The following BICD1 variants were observed in gnomAD, a reference collection of about 807,000 sequenced individuals.
BICD1 encodes protein bicaudal D homolog 1.
BICD1 carries 35 observed loss-of-function variants against 92.5 expected under a neutral mutation model. The ratio of observed to expected loss-of-function variants is 0.38; its 90% CI spans 0.29 to 0.50. The LOEUF (loss-of-function observed/expected upper bound fraction) is 0.50. Ranked by LOEUF, BICD1 falls within the 20% of genes least tolerant of loss-of-function variation. The probability of loss-of-function intolerance (pLI) is 0.93; values close to 1 mark genes in which losing one functional copy is unlikely to be tolerated. For synonymous variants in BICD1, 429 were observed against 465.1 expected, an observed-to-expected ratio of 0.92 and a Z score of 1.00; for missense variants, 950 against 1,189.8, an observed-to-expected ratio of 0.80 and a Z score of 2.97.
chr12:32,269,652 T>A (rs1947085645), intron 2 of BICD1, among the ~76,000 whole-genome samples: 1 of 152,188 alleles, frequency 6.6e-6, no homozygotes, highest in Admixed American at 6.5e-5. Flanking sequence ...GTTCTCTGGG[T>A]TATAACTTGC....
chr12:32,133,480 T>TC (rs1942628775), intron 1 of BICD1, among the ~76,000 whole-genome samples: 1 of 150,242 alleles, frequency 6.7e-6, no homozygotes. Flanking sequence ...AGAACAAGAC[T>TC]CCATCTGGGA....
At chr12:32,195,747 C>T (rs1484686742) in intron 1 of BICD1, among the ~76,000 whole-genome samples, 1 of 152,036 alleles carries the variant, frequency 6.6e-6, no homozygotes, top group African/African-American at 2.4e-5. Context: ...ACAACAAAAG[C>T]ACAGGCAACA....
At chr12:32,221,872 A>T (rs538088523) in intron 2 of BICD1, among the ~76,000 whole-genome samples, 2 of 152,272 alleles carry the variant, frequency 1.3e-5, no homozygotes, top group East Asian at 3.9e-4. Flanking sequence ...TGGTAAGAGC[A>T]TAAAGAAAGC....
chr12:32,217,804 G>A lies in BICD1; in HGVS notation c.426+1345G>A, dbSNP rs141701648. Among the ~76,000 whole-genome samples, 773 of 152,272 alleles carry A rather than the reference G, an allele frequency of 5.1e-3. 6 individuals carry two copies. The highest frequency in any genetic ancestry group is 8.3e-3 in the Non-Finnish European group (566 of 68,022). ...ACAATCCAGCATCCATTGCAGAAGT[G>A]GACAGAGGGTCATGTGGAGCCAAAG... On this transcript the variant is annotated intron_variant, in intron 2 of 9. Coordinates refer to ENST00000652176, the MANE Select transcript of BICD1 (RefSeq NM_001714.4).
At chr12:32,252,908 G>T (rs769234788) in intron 2 of BICD1, among the ~76,000 whole-genome samples, 1 of 152,114 alleles carries the variant, frequency 6.6e-6, no homozygotes, top group Non-Finnish European at 1.5e-5. Context: ...GTCTTACTCT[G>T]TCATCCCGGC....
chr12:32,186,926 C>T (rs1001216214), intron 1 of BICD1, among the ~76,000 whole-genome samples: 1 of 152,178 alleles, frequency 6.6e-6, no homozygotes, highest in Non-Finnish European at 1.5e-5. Context: ...ATGGAAAGAA[C>T]ACTGGATTAG....
chr12:32,123,073 G>A (rs1161238675), intron 1 of BICD1, among the ~76,000 whole-genome samples: 1 of 127,720 alleles, frequency 7.8e-6, no homozygotes, highest in Non-Finnish European at 1.9e-5. Flanking sequence ...CAAAATGAAT[G>A]AGTTAAGTAG....
At chr12:32,312,018 A>G (rs1036054422) in intron 4 of BICD1, among the ~76,000 whole-genome samples, 11 of 152,178 alleles carry the variant, frequency 7.2e-5, no homozygotes, top group Non-Finnish European at 1.3e-4. Flanking sequence ...TGAACTCCCC[A>G]GACCCCTTAG....
chr12:32,302,728 A>C (rs1228409356), intron 3 of BICD1, among the ~76,000 whole-genome samples: 1 of 152,022 alleles, frequency 6.6e-6, no homozygotes. Flanking sequence ...AGATTTGTTA[A>C]TTTTTTGTTA....
chr12:32,236,539 A>G (rs1420695390), intron 2 of BICD1, among the ~76,000 whole-genome samples: 3 of 152,164 alleles, frequency 2.0e-5, no homozygotes, highest in Non-Finnish European at 2.9e-5. Context: ...TATTGAAATT[A>G]GGCCAACTAA....
At chr12:32,367,537 A>AT in intron 8 of BICD1, 133 bp from the exon 9 acceptor site, 1 of 729,318 alleles carries the variant, frequency 1.4e-6, no homozygotes, top group Non-Finnish European at 2.2e-6. Context: ...AAAAAAAAAA[A>AT]GCTGAATCAG....
intron 1 of BICD1, among the ~76,000 whole-genome samples, chr12:32,125,468 T>C (rs1942295466): frequency 6.6e-6 from 1 of 152,110 alleles, no homozygotes; most frequent in Non-Finnish European, 1.5e-5. Context: ...CAAGAGCACT[T>C]AGGAGCTCAG....
intron 7 of BICD1, chr12:32,338,350 G>A (rs1036308324): frequency 5.0e-5 from 9 of 179,052 alleles, no homozygotes; most frequent in Non-Finnish European, 6.9e-5. Context: ...GATGGAATAC[G>A]CACAGTCCTT....
At chr12:32,309,041 A>G (rs972569861) in intron 4 of BICD1, among the ~76,000 whole-genome samples, 2 of 152,136 alleles carry the variant, frequency 1.3e-5, no homozygotes, top group Admixed American at 1.3e-4. Flanking sequence ...TTTCCTAAGA[A>G]TATATTTTAT....
At chr12:32,184,593 TG>T (rs1257799059) in intron 1 of BICD1, among the ~76,000 whole-genome samples, 1 of 152,182 alleles carries the variant, frequency 6.6e-6, no homozygotes, top group African/African-American at 2.4e-5. Flanking sequence ...CCAAAATAAT[TG>T]TTTTCTATCC....
At chr12:32,314,531 T>A (rs1948452146) in intron 4 of BICD1, among the ~76,000 whole-genome samples, 1 of 152,246 alleles carries the variant, frequency 6.6e-6, no homozygotes, top group Non-Finnish European at 1.5e-5. Context: ...GGCTATGATG[T>A]TGAGCATCTT....
At chr12:32,326,937 C>T (rs1310060399) in intron 4 of BICD1, among the ~76,000 whole-genome samples, 3 of 152,116 alleles carry the variant, frequency 2.0e-5, no homozygotes, top group Non-Finnish European at 2.9e-5. Context: ...GGACTAAATG[C>T]TTATTTTTAA....
Position 32,327,742 on chromosome 12 carries a change from T to A in BICD1, c.1287T>A (p.Asp429Glu), listed in dbSNP as rs748188229. The A allele has an allele frequency of 3.0e-5, 49 of 1,613,968 alleles. No individual in the cohort carries two copies. The highest frequency in any genetic ancestry group is 4.1e-5 in the Non-Finnish European group (48 of 1,180,020). The change falls in exon 5 of 10, where the codon GAT becomes GAA. Residue 429 changes from aspartate to glutamate, a missense_variant. This residue lies in a region of BICD1 where 309 missense variants were observed against 499.4 expected (regional missense o/e 0.62). Transcript: ENST00000652176. ...GGGTGGCAGTAACTGAGGTGATTGA[T>A]CTGAAAGCTGAAATTAAGGCCTTAA... ...KYRVAVTEVI[D>E]LKAEIKALKE...
chr12:32,132,449 T>G (rs1942584802), intron 1 of BICD1, among the ~76,000 whole-genome samples: 1 of 147,100 alleles, frequency 6.8e-6, no homozygotes, highest in Non-Finnish European at 1.5e-5. Context: ...GAGATGAGAA[T>G]GAACTGGGTT....
Sources: allele counts gnomAD v4.1 joint callset (sites outside exome capture counted in the v4.1 genomes callset), GRCh38; gene constraint gnomAD v4.1.1; regional missense constraint gnomAD v4.1.1; transcripts MANE v1.5; gene names NCBI Gene and HGNC (gene_info 2026-07-23, HGNC 2026-07-21).